TSPAN13: variants seen among roughly 807,000 people sequenced by gnomAD.
TSPAN13 encodes the protein tetraspanin 13, also known as tetraspanin-13.
Under a neutral mutation model 26.9 loss-of-function variants are expected in TSPAN13, and 18 were observed. The observed-to-expected ratio is 0.67, with a 90% CI of 0.46 to 0.99. The LOEUF is 0.99. Ranked by LOEUF, TSPAN13 falls within the 50% of genes least tolerant of loss-of-function variation. TSPAN13 has a pLI of 0.00. For missense variants in TSPAN13, 201 were observed against 249.6 expected (o/e 0.81, Z 1.31); for synonymous variants, 116 against 98.4 (o/e 1.18, Z -1.06).
chr7:16,765,218 G>T (rs1195674166), intron 1 of TSPAN13, among the ~76,000 whole-genome samples: 1 of 152,210 alleles, frequency 6.6e-6, no homozygotes, highest in Non-Finnish European at 1.5e-5. Context: ...TCCTGAGTCA[G>T]TCTCCCAAGT....
At position 16,783,803 on chromosome 7, in the gene TSPAN13, G is replaced by A. The variant is rs767968006; in HGVS notation, c.*312G>A. ...GAAAAACTTTGTATGGTACCACTGT[G>A]TTGGTTATATGGTGAATCTGAACGT... On this transcript the variant is annotated 3_prime_UTR_variant, in exon 6 of 6. Transcript: ENST00000262067. 8.5e-6 allele frequency: 3 copies of A among 353,524 alleles called. No homozygotes were observed. Among genetic ancestry groups the A allele is most frequent in the Admixed American group, 8.3e-5 (2 of 24,098 alleles). 21.9% of individuals were successfully genotyped at this position (353,524 alleles called of 1,614,324 possible).
chr7:16,780,686 G>C (rs1401415426), intron 5 of TSPAN13, among the ~76,000 whole-genome samples: 1 of 152,118 alleles, frequency 6.6e-6, no homozygotes, highest in Non-Finnish European at 1.5e-5. Flanking sequence ...TTGCCACGTG[G>C]CTTCTTTTTT....
At chr7:16,773,247 G>T (rs1784702890) in intron 1 of TSPAN13, among the ~76,000 whole-genome samples, 2 of 151,200 alleles carry the variant, frequency 1.3e-5, no homozygotes, top group South Asian at 4.2e-4. Context: ...TAGAGCAGGG[G>T]TCCGAAAACT....
intron 1 of TSPAN13, among the ~76,000 whole-genome samples, chr7:16,772,580 A>C (rs1025053155): frequency 6.6e-6 from 1 of 151,884 alleles, no homozygotes; most frequent in African/African-American, 2.4e-5. Flanking sequence ...GTCTCTCTCT[A>C]ATTTCCCTGT....
At chr7:16,777,220 C>A in intron 3 of TSPAN13, 98 bp downstream of exon 3, 2 of 814,356 alleles carry the variant, frequency 2.5e-6, no homozygotes, top group Non-Finnish European at 4.0e-6. Context: ...TTTCGTCTTG[C>A]ACAGAATGCC....
chr7:16,773,282 A>G (rs1784703479), intron 1 of TSPAN13, among the ~76,000 whole-genome samples: 1 of 151,124 alleles, frequency 6.6e-6, no homozygotes, highest in Non-Finnish European at 1.5e-5. Context: ...GATCCATCTC[A>G]TTGACTATTT....
At position 16,779,092 on chromosome 7, in the gene TSPAN13, T is replaced by C. The variant is rs1293661595; in HGVS notation, c.516T>C (p.Ile172=). The C allele has an allele frequency of 2.5e-6, 4 of 1,613,806 alleles. No individual in the cohort carries two copies. Among genetic ancestry groups the C allele is most frequent in the Non-Finnish European group, 3.4e-6 (4 of 1,179,830 alleles). ...AGGTTTTGAGATTTGTTGGTGGCAT[T>C]GGCCTGTTCTTCAGTTTTACAGAGG... The part of the protein sequence containing the change: ...AGEVLRFVGG[I]GLFFSFTEIL... Residue 172 remains isoleucine, a synonymous_variant, in exon 5 of 6, where the codon ATT becomes ATC. Transcript: ENST00000262067.
intron 1 of TSPAN13, among the ~76,000 whole-genome samples, chr7:16,760,305 C>A (rs567084365): frequency 6.6e-6 from 1 of 152,092 alleles, no homozygotes; most frequent in South Asian, 2.1e-4. Flanking sequence ...ATGATGGAGG[C>A]TTGGATTAGT....
Position 16,776,345 on chromosome 7 carries a change from A to C in TSPAN13, c.198A>C (p.Gly66=). The C allele has an allele frequency of 6.2e-7, 1 of 1,613,794 alleles. No individual in the cohort carries two copies. Among genetic ancestry groups the C allele is most frequent in the Non-Finnish European group, 8.5e-7 (1 of 1,179,926 alleles). ...LFLIALVGLI[G]AVKHHQVLLF... Reference sequence around the variant, plus strand: ...TGATTGCTTTAGTGGGTCTGATTGGAGCTGTAAAACATCATCAGGTGTTGC... The same window carrying C: ...TGATTGCTTTAGTGGGTCTGATTGGCGCTGTAAAACATCATCAGGTGTTGC... Residue 66 remains glycine (G), a synonymous_variant, in exon 2 of 6, where the codon GGA becomes GGC. Transcript: ENST00000262067.
chr7:16,783,697 G>A lies in TSPAN13; in HGVS notation c.*206G>A. ...AAAATATTTGAAACTTGTGGTCTCT[G>A]AAGCTCGGTGGCACCTGGAATTTAC... is the stretch of plus-strand genomic sequence containing the variant. On this transcript the variant is annotated 3_prime_UTR_variant, in exon 6 of 6. Coordinates refer to ENST00000262067, the MANE Select transcript of TSPAN13 (RefSeq NM_014399.4). The A allele has an allele frequency of 3.5e-6, 2 of 569,640 alleles. No homozygotes were observed. The highest frequency in any genetic ancestry group is 6.2e-6 in the Non-Finnish European group (2 of 324,868). 35.3% of individuals were successfully genotyped at this position (569,640 alleles called of 1,614,324 possible).
chr7:16,780,322 A>G (rs532152775), intron 5 of TSPAN13, among the ~76,000 whole-genome samples: 11 of 152,058 alleles, frequency 7.2e-5, no homozygotes, highest in South Asian at 2.1e-4. Context: ...CTGGTCTGGA[A>G]CCCCTGGCCT....
At chr7:16,773,173 G>T (rs1784701081) in intron 1 of TSPAN13, among the ~76,000 whole-genome samples, 3 of 150,702 alleles carry the variant, frequency 2.0e-5, no homozygotes, top group Admixed American at 2.0e-4. Context: ...TTGGGGGGGG[G>T]CGGTTAGCAA....
chr7:16,783,435 A>G lies in TSPAN13; in HGVS notation c.559A>G (p.Thr187Ala), dbSNP rs775124055. ...ATTCCAGATCCTGGGTGTTTGGCTGACCTACAGATACAGGAACCAGAAAGA... is the reference window on the plus strand; with the variant it reads ...ATTCCAGATCCTGGGTGTTTGGCTGGCCTACAGATACAGGAACCAGAAAGA... ...SFTEILGVWL[T>A]YRYRNQKDPR... Residue 187 changes from threonine to alanine, a missense_variant, in exon 6 of 6, where the codon ACC (threonine) becomes GCC (alanine). Transcript: ENST00000262067. 2 of 1,613,604 alleles carry G rather than the reference A, an allele frequency of 1.2e-6. No individual in the cohort carries two copies. The highest frequency in any genetic ancestry group is 2.2e-5 in the East Asian group (1 of 44,866).
chr7:16,769,164 C>T (rs899578673), intron 1 of TSPAN13, among the ~76,000 whole-genome samples: 1 of 152,046 alleles, frequency 6.6e-6, no homozygotes, highest in Admixed American at 6.6e-5. Flanking sequence ...TGGTTTTTAA[C>T]TTATTTAGTT....
At chr7:16,774,281 G>T (rs1784714835) in intron 1 of TSPAN13, among the ~76,000 whole-genome samples, 1 of 152,152 alleles carries the variant, frequency 6.6e-6, no homozygotes, top group African/African-American at 2.4e-5. Context: ...GATAGATGTA[G>T]ATATAGATGT....
rs752106414 is a variant in TSPAN13 at position 16,783,507 on chromosome 7, G to C, written c.*16G>C. On this transcript the variant is annotated 3_prime_UTR_variant, in exon 6 of 6. Transcript: ENST00000262067. ...ATTCCTTTGATGAGAAAACAAGGAA[G>C]ATTTCCTTTCGTATTATGATCTTGT... The C allele has an allele frequency of 6.2e-7, 1 of 1,608,248 alleles. No individual in the cohort carries two copies. The highest frequency in any genetic ancestry group is 1.7e-5 in the Admixed American group (1 of 59,918).
intron 1 of TSPAN13, among the ~76,000 whole-genome samples, chr7:16,762,523 G>C (rs7787262): frequency 0.019 from 2,831 of 152,254 alleles, 82 homozygotes; most frequent in African/African-American, 0.064. Flanking sequence ...CTCGAGATCA[G>C]AAACAAAGGA....
intron 1 of TSPAN13, among the ~76,000 whole-genome samples, chr7:16,754,336 C>T (rs1193255943): frequency 6.6e-6 from 1 of 152,228 alleles, no homozygotes; most frequent in Non-Finnish European, 1.5e-5. Flanking sequence ...TTCAACCGGA[C>T]CTCTCCGCTT....
intron 5 of TSPAN13, among the ~76,000 whole-genome samples, chr7:16,779,971 C>T (rs900386977): frequency 3.9e-5 from 6 of 152,090 alleles, no homozygotes; most frequent in South Asian, 2.1e-4. Context: ...CGGGGTTTCA[C>T]CATGTTAGCC....
Sources: allele counts gnomAD v4.1 joint callset (sites outside exome capture counted in the v4.1 genomes callset), GRCh38; gene constraint gnomAD v4.1.1; transcripts MANE v1.5; gene names NCBI Gene and HGNC (gene_info 2026-07-23, HGNC 2026-07-21).